TACC1: variants seen among roughly 807,000 people sequenced by gnomAD.
TACC1 encodes transforming acidic coiled-coil-containing protein 1.
In TACC1, 48 loss-of-function variants were observed where a neutral mutation model predicts 84.4. That is an observed-to-expected ratio of 0.57 (90% CI 0.45 to 0.72). The LOEUF is 0.72. Among genes scored for constraint, TACC1 ranks in the 30% least tolerant of loss-of-function variants. The pLI is 0.00. For missense variants in TACC1, 920 were observed against 973.0 expected (o/e 0.95, Z 0.72); for synonymous variants, 372 against 376.3 (o/e 0.99, Z 0.13).
chr8:38,786,904 G>A (rs973765111), upstream of TACC1, among the ~76,000 whole-genome samples: 1 of 151,904 alleles, frequency 6.6e-6, no homozygotes, highest in Non-Finnish European at 1.5e-5. Flanking sequence ...GTGGCAAGAT[G>A]AAAATGTTTA....
chr8:38,798,603 C>CTG (rs1211707477), intron 2 of TACC1, among the ~76,000 whole-genome samples: 3 of 92,598 alleles, frequency 3.2e-5, no homozygotes, highest in Non-Finnish European at 4.9e-5. Context: ...TGTCTGGGTT[C>CTG]TGCGTGTGTG....
intron 5 of TACC1, among the ~76,000 whole-genome samples, chr8:38,828,605 C>T (rs939977965): frequency 2.0e-5 from 3 of 152,046 alleles, no homozygotes; most frequent in African/African-American, 7.3e-5. Context: ...AGGATAAGGA[C>T]ATTGTTTTTC....
chr8:38,822,143 G>A (rs1327377040), intron 3 of TACC1, among the ~76,000 whole-genome samples: 3 of 151,078 alleles, frequency 2.0e-5, no homozygotes, highest in African/African-American at 7.3e-5. Context: ...TACTCAGGAG[G>A]TTGAGGCAGG....
At chr8:38,807,863 C>T (rs1267813271) in intron 2 of TACC1, among the ~76,000 whole-genome samples, 3 of 152,154 alleles carry the variant, frequency 2.0e-5, no homozygotes, top group Non-Finnish European at 4.4e-5. Flanking sequence ...TTTAAAAATA[C>T]AGAGAGGGAG....
chr8:38,790,870 G>A (rs531816664), intron 2 of TACC1, among the ~76,000 whole-genome samples: 1 of 152,332 alleles, frequency 6.6e-6, no homozygotes, highest in South Asian at 2.1e-4. Flanking sequence ...GAATAGGCAA[G>A]CTTATATACT....
intron 5 of TACC1, 44 bp downstream of exon 5, chr8:38,827,419 A>T: frequency 6.3e-7 from 1 of 1,593,974 alleles, no homozygotes; most frequent in Non-Finnish European, 8.6e-7. Flanking sequence ...ATAAGCATGG[A>T]AATGCCTGAA....
chr8:38,795,361 C>T (rs934301421), intron 2 of TACC1, among the ~76,000 whole-genome samples: 1 of 152,150 alleles, frequency 6.6e-6, no homozygotes, highest in African/African-American at 2.4e-5. Flanking sequence ...AAATCAAGAC[C>T]TTGCACTCCC....
chr8:38,757,410 G>A (rs1301228547), intron 3 of TACC1: 7 of 1,244,194 alleles, frequency 5.6e-6, no homozygotes, highest in African/African-American at 3.2e-5. Flanking sequence ...CGGAGACCGC[G>A]TGAGTCCCAG....
At chr8:38,750,894 C>G (rs73611018) in intron 3 of TACC1, among the ~76,000 whole-genome samples, 1 of 151,888 alleles carries the variant, frequency 6.6e-6, no homozygotes, top group Non-Finnish European at 1.5e-5. Flanking sequence ...GCAATTCCCA[C>G]GAAAATCGTA....
At chr8:38,770,623 T>G (rs2151885263) in intron 3 of TACC1, among the ~76,000 whole-genome samples, 1 of 152,300 alleles carries the variant, frequency 6.6e-6, no homozygotes, top group East Asian at 1.9e-4. Flanking sequence ...AGTGCCCTGC[T>G]CTTGCTGAGA....
chr8:38,795,010 T>C (rs915661782), intron 2 of TACC1, among the ~76,000 whole-genome samples: 1 of 152,236 alleles, frequency 6.6e-6, no homozygotes, highest in Non-Finnish European at 1.5e-5. Context: ...TAGCATGATA[T>C]AGCTACTTTG....
At chr8:38,755,323 G>C (rs1367081093) in intron 3 of TACC1, among the ~76,000 whole-genome samples, 1 of 152,080 alleles carries the variant, frequency 6.6e-6, no homozygotes, top group Non-Finnish European at 1.5e-5. Context: ...TTCACCACTG[G>C]CTCTTTCATT....
chr8:38,786,586 C>A (rs1180419740), upstream of TACC1, among the ~76,000 whole-genome samples: 1 of 152,134 alleles, frequency 6.6e-6, no homozygotes, highest in Admixed American at 6.5e-5. Flanking sequence ...AGGCTGTAAT[C>A]TCACAGGGAA....
At chr8:38,755,809 G>GATCATT (rs1809921579) in intron 3 of TACC1, among the ~76,000 whole-genome samples, 1 of 27,422 alleles carries the variant, frequency 3.6e-5, no homozygotes, top group Non-Finnish European at 8.0e-5. Context: ...CAAGTGAAGA[G>GATCATT]ATCATTATTA....
intron 2 of TACC1, among the ~76,000 whole-genome samples, chr8:38,806,416 G>A (rs1171165683): frequency 6.6e-6 from 1 of 152,052 alleles, no homozygotes; most frequent in Non-Finnish European, 1.5e-5. Context: ...AATTGAGGGG[G>A]GGCTCTCTAG....
chr8:38,757,242 T>TCCCCC, intron 3 of TACC1: 1 of 209,958 alleles, frequency 4.8e-6, no homozygotes, highest in South Asian at 6.6e-5. Context: ...CCACCCTTCC[T>TCCCCC]CCCGCCCCAC....
intron 3 of TACC1, among the ~76,000 whole-genome samples, chr8:38,754,111 A>G (rs1809568944): frequency 6.6e-6 from 1 of 151,564 alleles, no homozygotes; most frequent in Non-Finnish European, 1.5e-5. Flanking sequence ...GCACCACCAC[A>G]CTTGGCTAAT....
intron 3 of TACC1, among the ~76,000 whole-genome samples, chr8:38,761,487 GAT>G (rs1215357691): frequency 6.6e-6 from 1 of 152,242 alleles, no homozygotes; most frequent in Non-Finnish European, 1.5e-5. Context: ...CTGGCTATGT[GAT>G]ATTCTAGTGA....
intron 3 of TACC1, among the ~76,000 whole-genome samples, chr8:38,762,479 A>G (rs1811393939): frequency 6.6e-6 from 1 of 152,010 alleles, no homozygotes; most frequent in South Asian, 2.1e-4. Flanking sequence ...ACAGTATTCC[A>G]TTGTGTATAT....
Sources: allele counts gnomAD v4.1 joint callset (sites outside exome capture counted in the v4.1 genomes callset), GRCh38; gene constraint gnomAD v4.1.1; transcripts MANE v1.5; gene names NCBI Gene and HGNC (gene_info 2026-07-23, HGNC 2026-07-21).